The following NOL9 variants were observed in gnomAD, a reference collection of about 807,000 sequenced individuals.
NOL9 encodes polynucleotide 5'-hydroxyl-kinase NOL9.
NOL9 carries 28 observed loss-of-function variants against 67.9 expected under a neutral mutation model. The observed-to-expected ratio is 0.41, with a 90% confidence interval of 0.31 to 0.57. NOL9 has a LOEUF of 0.57. NOL9 is among the 20% of genes least tolerant of loss of function. The probability of loss-of-function intolerance (pLI) is 0.25; values close to 1 mark genes in which losing one functional copy is unlikely to be tolerated. For synonymous variants in NOL9, 356 were observed against 352.2 expected (o/e 1.01, Z -0.12); for missense variants, 777 against 897.0 (o/e 0.87, Z 1.71).
chr1:6,533,055 G>A (rs1372415989), intron 7 of NOL9, among the ~76,000 whole-genome samples: 1 of 152,180 alleles, frequency 6.6e-6, no homozygotes, highest in Non-Finnish European at 1.5e-5. Flanking sequence ...CACGCCTGTG[G>A]TCCCAGCTAC....
Position 6,533,280 on chromosome 1 carries a change from C to T in NOL9, c.1237G>A (p.Asp413Asn). ...TGCAGATGTGCACATGCAGGCTTAC[C>T]TGAAACCCATCCCATAGTGTTGACG... ...LIVNTMGWVS[D>N]QGLLLLIDLI... The change falls in exon 7 of 12, where the codon GAC becomes AAC. Residue 413 changes from aspartate to asparagine, a missense_variant and splice_region_variant. Coordinates refer to ENST00000377705, the MANE Select transcript of NOL9 (RefSeq NM_024654.5). 6.3e-7 allele frequency: 1 copy of T among 1,593,290 alleles called. No individual in the cohort carries two copies. Among genetic ancestry groups the T allele is most frequent in the Non-Finnish European group, 8.6e-7 (1 of 1,167,348 alleles).
In NOL9 at chr1:6,549,598, C is replaced by T. The variant is rs150419445; in HGVS notation, c.717G>A (p.Pro239=). 24 of 1,613,880 alleles carry T rather than the reference C, an allele frequency of 1.5e-5. No individual in the cohort carries two copies. In the Admixed American group the frequency reaches 2.2e-4, roughly 15 times the overall value. Residue 239 remains proline, a synonymous_variant, in exon 3 of 12, where the codon CCG becomes CCA. Transcript: ENST00000377705. ...TATVNFITSY[P]GSSYIFVQES... Reference sequence around the variant, plus strand: ...CTTGCACAAAAATGTAGGATGAACCCGGATAGCTGGTTATGAAGTTTACAG... The same window carrying T: ...CTTGCACAAAAATGTAGGATGAACCTGGATAGCTGGTTATGAAGTTTACAG...
chr1:6,534,740 G>T (rs951722087), intron 6 of NOL9, among the ~76,000 whole-genome samples: 1 of 152,174 alleles, frequency 6.6e-6, no homozygotes, highest in Non-Finnish European at 1.5e-5. Context: ...GACCCCTGGG[G>T]TGTTAAGCCA....
intron 5 of NOL9, 98 bp from the exon 6 acceptor site, chr1:6,542,025 G>T: frequency 1.5e-6 from 1 of 670,806 alleles, no homozygotes; most frequent in Non-Finnish European, 2.4e-6. Context: ...TGACACGCAG[G>T]CATAATCCAC....
At position 6,529,126 on chromosome 1, in the gene NOL9, C is replaced by A. The variant is rs200579753; in HGVS notation, c.1693G>T (p.Ala565Ser). Residue 565 changes from alanine to serine, a missense_variant, in exon 10 of 12, where the codon GCC (alanine) becomes TCC (serine). Ala to Ser is a moderately conservative substitution (Grantham distance 99, BLOSUM62 1). Transcript: ENST00000377705. ...ACAGCATATAGTATATGGGTAGGGG[C>A]GACATCAGAGTGGGTAATCCGGAGT... Reference protein sequence around the residue: ...VALRITHSDVAPTHILYAVNA... With the variant: ...VALRITHSDVSPTHILYAVNA... 25 of 1,613,740 alleles carry A rather than the reference C, an allele frequency of 1.5e-5. No homozygotes were observed. Among genetic ancestry groups the A allele is most frequent in the Non-Finnish European group, 2.1e-5 (25 of 1,179,936 alleles).
At chr1:6,541,540 T>C (rs546791144) in intron 6 of NOL9, among the ~76,000 whole-genome samples, 23 of 152,332 alleles carry the variant, frequency 1.5e-4, no homozygotes, top group South Asian at 8.3e-4. Context: ...ACATAAGATG[T>C]TGAAATTAGG....
chr1:6,526,979 C>T (rs1570034968), intron 10 of NOL9, 150 bp from the exon 11 acceptor site: 1 of 1,059,866 alleles, frequency 9.4e-7, no homozygotes, highest in South Asian at 2.0e-5. Flanking sequence ...GGTGCAGTGG[C>T]TCACGCCTGT....
At chr1:6,542,292 C>G (rs190573587) in intron 5 of NOL9, among the ~76,000 whole-genome samples, 8 of 151,776 alleles carry the variant, frequency 5.3e-5, no homozygotes, top group African/African-American at 1.9e-4. Flanking sequence ...TCCGGAGTAG[C>G]TGGGACTACA....
At chr1:6,551,154 T>G (rs943966735) in intron 1 of NOL9, among the ~76,000 whole-genome samples, 21 of 151,816 alleles carry the variant, frequency 1.4e-4, no homozygotes, top group East Asian at 7.7e-4. Flanking sequence ...TTACAAAACA[T>G]TTAAAAATTA....
At chr1:6,526,140 C>T (rs1430017828) in intron 11 of NOL9, 137 bp from the exon 12 acceptor site, 3 of 739,548 alleles carry the variant, frequency 4.1e-6, no homozygotes, top group Non-Finnish European at 6.8e-6. Context: ...GGCATTTGAT[C>T]CCTTCCTTCA....
intron 6 of NOL9, among the ~76,000 whole-genome samples, chr1:6,538,469 C>T (rs1165923948): frequency 5.9e-5 from 9 of 152,108 alleles, no homozygotes; most frequent in African/African-American, 1.2e-4. Flanking sequence ...GTCAGGAGTT[C>T]GAGACCAGCC....
intron 10 of NOL9, among the ~76,000 whole-genome samples, chr1:6,527,639 CAA>C (rs796666090): frequency 0.13 from 3,607 of 28,606 alleles, 68 homozygotes; most frequent in Middle Eastern, 0.29. Context: ...CAAAACAAAA[CAA>C]AAAAAAAACA....
intron 3 of NOL9, chr1:6,547,780 G>C (rs2148661176): frequency 6.5e-6 from 1 of 152,854 alleles, no homozygotes; most frequent in African/African-American, 2.4e-5. Flanking sequence ...CCTGAGCCCG[G>C]AAAGGTTGAG....
chr1:6,536,619 G>C (rs1210006555), intron 6 of NOL9, among the ~76,000 whole-genome samples: 1 of 152,038 alleles, frequency 6.6e-6, no homozygotes, highest in South Asian at 2.1e-4. Flanking sequence ...CTTGAGCTCC[G>C]GAGTTTGAGA....
intron 10 of NOL9, 131 bp downstream of exon 10, chr1:6,528,863 T>TA (rs1638952676): frequency 2.5e-6 from 2 of 800,944 alleles, no homozygotes; most frequent in Admixed American, 2.8e-5. Context: ...TAAGGCGTGC[T>TA]ATATAGATGA....
chr1:6,537,406 A>G (rs972218983), intron 6 of NOL9, among the ~76,000 whole-genome samples: 5 of 152,226 alleles, frequency 3.3e-5, no homozygotes, highest in African/African-American at 9.6e-5. Flanking sequence ...AAGCTTCTGC[A>G]TAACAAAGGA....
At position 6,541,894 on chromosome 1, in the gene NOL9, C is replaced by T. The variant is rs1371073750; in HGVS notation, c.1011G>A (p.Leu337=). Residue 337 remains leucine (L), a synonymous_variant, in exon 6 of 12, where the codon CTG becomes CTA. Transcript: ENST00000377705. ...LPCVDYLECD[L]GQTEFTPPGC... ...CAGGAGGGGTAAATTCTGTCTGTCC[C>T]AGATCACATTCCAAATAGTCAACGC... 6.2e-7 allele frequency: 1 copy of T among 1,605,880 alleles called. No homozygotes were observed. The highest frequency in any genetic ancestry group is 2.2e-5 in the East Asian group (1 of 44,646).
At chr1:6,532,796 CAA>C (rs1374162962) in intron 7 of NOL9, 36 bp from the exon 8 acceptor site, 1 of 1,564,810 alleles carries the variant, frequency 6.4e-7, no homozygotes, top group Admixed American at 1.9e-5. Flanking sequence ...CTGATACACT[CAA>C]GAACAGTGAC....
intron 6 of NOL9, among the ~76,000 whole-genome samples, chr1:6,533,652 T>C (rs530244535): frequency 5.9e-5 from 9 of 152,382 alleles, no homozygotes; most frequent in African/African-American, 2.2e-4. Flanking sequence ...TTCACATAAA[T>C]GGCTAATGCC....
Sources: allele counts gnomAD v4.1 joint callset (sites outside exome capture counted in the v4.1 genomes callset), GRCh38; gene constraint gnomAD v4.1.1; transcripts MANE v1.5; gene names NCBI Gene and HGNC (gene_info 2026-07-23, HGNC 2026-07-21).